The following MRPS5 variants were observed in gnomAD, a reference collection of about 807,000 sequenced individuals.
The protein encoded by MRPS5 is mitochondrial ribosomal protein S5.
MRPS5 carries 27 observed loss-of-function variants against 51.9 expected under a neutral mutation model. The ratio of observed to expected loss-of-function variants is 0.52; its 90% CI spans 0.38 to 0.72. The LOEUF (loss-of-function observed/expected upper bound fraction) is 0.72, where lower values mean the gene tolerates loss of function less well. Ranked by LOEUF, MRPS5 falls within the 30% of genes least tolerant of loss-of-function variation. The pLI, the probability that MRPS5 is intolerant of heterozygous loss-of-function variation, is 0.00. For synonymous variants in MRPS5, 196 were observed against 193.2 expected (o/e 1.01, Z -0.12); for missense variants, 570 against 545.7 (o/e 1.04, Z -0.44).
At chr2:95,121,822 C>T, upstream of MRPS5, 1 of 1,519,782 alleles carries the variant, frequency 6.6e-7, no homozygotes, top group Non-Finnish European at 8.8e-7. Context: ...TCGGCCTCCG[C>T]CCAGGGCAGC....
At chr2:95,095,378 CCACTCCAAAT>C (rs766913081) in intron 10 of MRPS5, among the ~76,000 whole-genome samples, 9 of 152,176 alleles carry the variant, frequency 5.9e-5, no homozygotes, top group Non-Finnish European at 1.3e-4. Flanking sequence ...ACAGAACTCT[CCACTCCAAAT>C]CAACAGAACA....
intron 1 of MRPS5, among the ~76,000 whole-genome samples, chr2:95,120,012 G>A (rs758316997): frequency 2.0e-5 from 3 of 152,178 alleles, no homozygotes; most frequent in Admixed American, 6.5e-5. Context: ...GCAGTGAGCC[G>A]TGATCGTGCC....
intron 10 of MRPS5, chr2:95,091,006 A>T (rs918103265): frequency 1.3e-5 from 2 of 154,278 alleles, no homozygotes; most frequent in Non-Finnish European, 2.9e-5. Context: ...GCTGGCCTCT[A>T]AATCTTGGGG....
At chr2:95,108,657 T>C (rs904334965) in intron 4 of MRPS5, among the ~76,000 whole-genome samples, 2 of 152,210 alleles carry the variant, frequency 1.3e-5, no homozygotes, top group African/African-American at 4.8e-5. Context: ...ACTGAAACAT[T>C]ATTTGCAAAG....
chr2:95,115,133 TTG>T lies in MRPS5; in HGVS notation c.208_209del (p.Gln70MetfsTer15). The T allele has an allele frequency of 6.2e-7, 1 of 1,612,872 alleles. No individual in the cohort carries two copies. Among genetic ancestry groups the T allele is most frequent in the South Asian group, 1.1e-5 (1 of 90,804 alleles). On this transcript the variant is annotated frameshift_variant, in exon 3 of 12. Transcript: ENST00000272418. LOFTEE classifies it high-confidence loss of function. ...YASLSRALQTQCCISSPSHLM... is the reference protein window; with the variant it reads ...YASLSRALQTXCCISSPSHLM... ...GGTGACTGGGAGAAGAAATACAGCA[TTG>T]TGTCTGCAGTGCACGGCTCAAGCTG...
At chr2:95,095,883 CA>C (rs1208573489) in intron 10 of MRPS5, among the ~76,000 whole-genome samples, 3 of 151,546 alleles carry the variant, frequency 2.0e-5, no homozygotes, top group African/African-American at 4.8e-5. Context: ...AACAGACACA[CA>C]AAAAAAACCT....
intron 8 of MRPS5, among the ~76,000 whole-genome samples, chr2:95,101,379 C>T (rs1278618739): frequency 6.9e-6 from 1 of 145,128 alleles, no homozygotes; most frequent in South Asian, 2.2e-4. Flanking sequence ...AGTGAGACAA[C>T]GTCTCAAAAA....
At chr2:95,112,268 T>C (rs1320362323) in intron 3 of MRPS5, among the ~76,000 whole-genome samples, 2 of 152,114 alleles carry the variant, frequency 1.3e-5, no homozygotes, top group Admixed American at 1.3e-4. Flanking sequence ...TTTCACCATA[T>C]TGGTCAGACT....
chr2:95,104,530 A>C (rs1675893110), intron 7 of MRPS5, 110 bp downstream of exon 7: 4 of 1,130,364 alleles, frequency 3.5e-6, no homozygotes, highest in Non-Finnish European at 5.4e-6. Context: ...AGGTTTAATC[A>C]ATGGAAAAAG....
chr2:95,092,903 T>C (rs1305368995), intron 10 of MRPS5: 1 of 152,176 alleles, frequency 6.6e-6, no homozygotes, highest in Non-Finnish European at 1.5e-5. Flanking sequence ...GGGCAGGGCA[T>C]CGCCTCACCC....
chr2:95,113,846 G>A (rs1457509802), intron 3 of MRPS5, among the ~76,000 whole-genome samples: 1 of 151,994 alleles, frequency 6.6e-6, no homozygotes, highest in Non-Finnish European at 1.5e-5. Context: ...AGAAGGCCAG[G>A]CACGGTGGCT....
intron 3 of MRPS5, among the ~76,000 whole-genome samples, chr2:95,112,910 C>T (rs1194376885): frequency 5.3e-5 from 8 of 151,576 alleles, no homozygotes; most frequent in South Asian, 2.1e-4. Context: ...GAGGCTGAGG[C>T]GGGAGAATGG....
At chr2:95,088,682 C>T (rs1369185920) in intron 11 of MRPS5, among the ~76,000 whole-genome samples, 2 of 152,130 alleles carry the variant, frequency 1.3e-5, no homozygotes, top group Non-Finnish European at 2.9e-5. Flanking sequence ...ATAATGCAAC[C>T]TTTTATAGCT....
In MRPS5 at chr2:95,086,513, T is replaced by C. The variant is rs1198392674; in HGVS notation, c.*844A>G. 5.3e-5 allele frequency among the ~76,000 whole-genome samples: 8 copies of C among 151,048 alleles called. No homozygotes were observed. Among genetic ancestry groups the C allele is most frequent in the Admixed American group, 4.0e-4 (6 of 15,174 alleles). On this transcript the variant is annotated 3_prime_UTR_variant, in exon 12 of 12. Transcript: ENST00000272418. Reference sequence around the variant, plus strand: ...ACTGAGCAACACAGAGAAAACAGACTGGAAAAAAAATAAACAGCGCCTCAG... The same window carrying C: ...ACTGAGCAACACAGAGAAAACAGACCGGAAAAAAAATAAACAGCGCCTCAG...
chr2:95,106,775 C>A, intron 5 of MRPS5: 1 of 412,576 alleles, frequency 2.4e-6, no homozygotes, highest in South Asian at 2.6e-5. Context: ...TCCCCCTAGG[C>A]CAAGACACCA....
At chr2:95,091,946 T>C (rs1675479156) in intron 10 of MRPS5, 1 of 152,198 alleles carries the variant, frequency 6.6e-6, no homozygotes, top group Non-Finnish European at 1.5e-5. Context: ...GAAGGGGGTA[T>C]CATGCAGATT....
chr2:95,116,630 T>C (rs1182060042), intron 2 of MRPS5, among the ~76,000 whole-genome samples: 18 of 152,246 alleles, frequency 1.2e-4, no homozygotes, highest in Admixed American at 1.2e-3. Flanking sequence ...TCTTATTCTC[T>C]GAATTATTAT....
chr2:95,108,359 A>T lies in MRPS5; in HGVS notation c.453T>A (p.Asn151Lys). The T allele has an allele frequency of 6.2e-7, 1 of 1,614,078 alleles. No homozygotes were observed. Among genetic ancestry groups the T allele is most frequent in the Non-Finnish European group, 8.5e-7 (1 of 1,180,018 alleles). ...WPGLNVPLMK[N>K]GAVQTIAQRS... Reference sequence around the variant, plus strand: ...TTTGGGCAATGGTCTGCACTGCTCCATTTTTCATAAGAGGGACATTCAGTC... The same window carrying T: ...TTTGGGCAATGGTCTGCACTGCTCCTTTTTTCATAAGAGGGACATTCAGTC... The change falls in exon 5 of 12, where the codon AAT (asparagine) becomes AAA (lysine). Residue 151 changes from asparagine to lysine, a missense_variant. Transcript: ENST00000272418.
At chr2:95,121,157 G>A (rs1676436694) in intron 1 of MRPS5, among the ~76,000 whole-genome samples, 1 of 152,090 alleles carries the variant, frequency 6.6e-6, no homozygotes, top group African/African-American at 2.4e-5. Context: ...GGAGGAGACG[G>A]AGACAACACG....
Sources: allele counts gnomAD v4.1 joint callset (sites outside exome capture counted in the v4.1 genomes callset), GRCh38; gene constraint gnomAD v4.1.1; transcripts MANE v1.5; gene names NCBI Gene and HGNC (gene_info 2026-07-23, HGNC 2026-07-21).